RPS6KC1: variants seen among roughly 807,000 people sequenced by gnomAD.
The protein encoded by RPS6KC1 is inactive ribosomal protein S6 kinase delta-1.
Under a neutral mutation model 103.8 loss-of-function variants are expected in RPS6KC1, and 54 were observed. That is an observed-to-expected ratio of 0.52 (90% CI 0.42 to 0.65). The LOEUF is 0.65. RPS6KC1 is among the 30% of genes least tolerant of loss of function. The pLI is 0.00. For missense variants in RPS6KC1, 1,151 were observed against 1,253.8 expected (o/e 0.92, Z 1.24); for synonymous variants, 439 against 438.7 (o/e 1.00, Z -0.01).
chr1:213,419,922 A>ATTG, the RPS6KC1 span, among the ~76,000 whole-genome samples: 7 of 152,186 alleles, frequency 4.6e-5, no homozygotes, highest in Non-Finnish European at 1.0e-4. Flanking sequence ...GGAGCTTGAA[A>ATTG]TTGTTTTTGA....
chr1:213,253,927 G>A (rs1041408865), intron 12 of RPS6KC1, among the ~76,000 whole-genome samples: 1 of 152,126 alleles, frequency 6.6e-6, no homozygotes, highest in African/African-American at 2.4e-5. Flanking sequence ...CTGTAAGAGG[G>A]AGACTTGGAA....
the RPS6KC1 span, among the ~76,000 whole-genome samples, chr1:213,667,441 GT>G: frequency 6.6e-6 from 1 of 152,098 alleles, no homozygotes; most frequent in Non-Finnish European, 1.5e-5. Flanking sequence ...AAGGCATTGT[GT>G]TTTTAAAAAA....
At chr1:213,774,515 T>A in the RPS6KC1 span, among the ~76,000 whole-genome samples, 1 of 151,988 alleles carries the variant, frequency 6.6e-6, no homozygotes, top group Admixed American at 6.6e-5. Flanking sequence ...AAATGCAGGG[T>A]GGATACAAAC....
chr1:213,450,783 C>G, the RPS6KC1 span, among the ~76,000 whole-genome samples: 2 of 152,134 alleles, frequency 1.3e-5, no homozygotes, highest in African/African-American at 4.8e-5. Context: ...CGAGACCAGC[C>G]TGGCCAACAT....
chr1:213,320,000 C>T, the RPS6KC1 span, among the ~76,000 whole-genome samples: 3 of 152,182 alleles, frequency 2.0e-5, no homozygotes, highest in Non-Finnish European at 4.4e-5. Context: ...GCCCCTCTAA[C>T]TTAATGTTTT....
chr1:213,337,152 G>T, the RPS6KC1 span, among the ~76,000 whole-genome samples: 2 of 152,100 alleles, frequency 1.3e-5, no homozygotes, highest in African/African-American at 4.8e-5. Context: ...CAGACCATAG[G>T]CCTGGAAAAG....
the RPS6KC1 span, among the ~76,000 whole-genome samples, chr1:213,671,361 G>A: frequency 6.6e-6 from 1 of 152,164 alleles, no homozygotes; most frequent in African/African-American, 2.4e-5. Context: ...GTGTTTACCA[G>A]GGGCTGGGGT....
chr1:213,787,971 A>G, the RPS6KC1 span, among the ~76,000 whole-genome samples: 2 of 152,268 alleles, frequency 1.3e-5, no homozygotes, highest in South Asian at 4.1e-4. Flanking sequence ...TAAGCAGGAG[A>G]AGCAAGAGAG....
At chr1:213,654,096 G>T in the RPS6KC1 span, among the ~76,000 whole-genome samples, 1 of 152,350 alleles carries the variant, frequency 6.6e-6, no homozygotes, top group African/African-American at 2.4e-5. Flanking sequence ...TTATCTCTCA[G>T]CTGAAGGCTG....
the RPS6KC1 span, among the ~76,000 whole-genome samples, chr1:213,441,322 T>A: frequency 6.6e-6 from 1 of 152,110 alleles, no homozygotes; most frequent in Non-Finnish European, 1.5e-5. Flanking sequence ...AAATTTTGAG[T>A]TTTTTATGTA....
the RPS6KC1 span, among the ~76,000 whole-genome samples, chr1:213,451,225 A>G: frequency 6.6e-6 from 1 of 152,230 alleles, no homozygotes; most frequent in African/African-American, 2.4e-5. Context: ...AACTAAATAT[A>G]GTGTTATTTA....
At chr1:213,602,028 C>CTTTCTTTCTTTCTTTCTTTCTTTCTT in the RPS6KC1 span, among the ~76,000 whole-genome samples, 4 of 11,898 alleles carry the variant, frequency 3.4e-4, 1 homozygote, top group South Asian at 5.0e-3. Context: ...TTCTTTCTTT[C>CTTTCTTTCTTTCTTTCTTTCTTTCTT]TCTTTCTCTT....
Position 213,221,379 on chromosome 1 carries a change from G to A in RPS6KC1, c.1045-9118G>A, listed in dbSNP as rs185506893. Among the ~76,000 whole-genome samples the A allele has an allele frequency of 9.2e-5, 14 of 152,090 alleles. No individual in the cohort carries two copies. The East Asian group carries it at 2.1e-3, about 23-fold the overall frequency. On this transcript the variant is annotated intron_variant, in intron 8 of 14. Coordinates refer to ENST00000366960, the MANE Select transcript of RPS6KC1 (RefSeq NM_012424.6). ...TTGCCTGTTGCCTGCCTCTGGGTTC[G>A]TCATCCCCCTTATGCTGACTTAGGC...
intron 6 of RPS6KC1, among the ~76,000 whole-genome samples, chr1:213,133,685 G>A (rs754357545): frequency 7.2e-5 from 11 of 152,158 alleles, no homozygotes; most frequent in Admixed American, 1.3e-4. Flanking sequence ...AAAAGTACTG[G>A]TTTGATGTCT....
the RPS6KC1 span, among the ~76,000 whole-genome samples, chr1:213,510,047 TCTTGGGTTC>T: frequency 6.6e-6 from 1 of 152,188 alleles, no homozygotes; most frequent in Non-Finnish European, 1.5e-5. Context: ...TCTAACAACT[TCTTGGGTTC>T]CTACCTACAA....
chr1:213,466,284 A>G, the RPS6KC1 span, among the ~76,000 whole-genome samples: 1 of 152,088 alleles, frequency 6.6e-6, no homozygotes, highest in South Asian at 2.1e-4. Flanking sequence ...ATATTTATTG[A>G]AAAAAAATTG....
At chr1:213,723,470 C>T in the RPS6KC1 span, among the ~76,000 whole-genome samples, 7 of 152,140 alleles carry the variant, frequency 4.6e-5, no homozygotes, top group Non-Finnish European at 4.4e-5. Flanking sequence ...TATCTTCCAA[C>T]GGTCTCCCTG....
chr1:213,102,572 G>T (rs2082108503), intron 3 of RPS6KC1, among the ~76,000 whole-genome samples: 1 of 152,144 alleles, frequency 6.6e-6, no homozygotes, highest in Non-Finnish European at 1.5e-5. Flanking sequence ...AAGCAAGCTG[G>T]CAATTACAAT....
intron 8 of RPS6KC1, among the ~76,000 whole-genome samples, chr1:213,190,001 CT>C (rs1401301965): frequency 6.6e-6 from 1 of 152,110 alleles, no homozygotes; most frequent in Non-Finnish European, 1.5e-5. Flanking sequence ...TTTTTTATGC[CT>C]GAATAGTACT....
Sources: gnomAD v4.1 joint callset for allele counts (sites outside exome capture counted in the v4.1 genomes callset) on GRCh38, gnomAD v4.1.1 for gene constraint, MANE v1.5 for transcripts, NCBI Gene and HGNC (gene_info 2026-07-23, HGNC 2026-07-21) for gene names.